The following METAP1D variants were observed in gnomAD, a reference collection of about 807,000 sequenced individuals.
METAP1D encodes methionine aminopeptidase 1D, mitochondrial.
In METAP1D, 31 loss-of-function variants were observed where a neutral mutation model predicts 40.5. The ratio of observed to expected loss-of-function variants is 0.77; its 90% CI spans 0.58 to 1.03. METAP1D has a LOEUF of 1.03. Ranked by LOEUF, METAP1D falls within the 50% of genes least tolerant of loss-of-function variation. The pLI is 0.00. For missense variants in METAP1D, 411 were observed against 420.7 expected (o/e 0.98, Z 0.20); for synonymous variants, 151 against 146.4 (o/e 1.03, Z -0.22).
intron 2 of METAP1D, among the ~76,000 whole-genome samples, chr2:172,063,055 G>A (rs188455380): frequency 6.6e-6 from 1 of 152,328 alleles, no homozygotes; most frequent in East Asian, 1.9e-4. Flanking sequence ...CTGCAAAAGT[G>A]ATCAGGGTTG....
At chr2:172,006,720 G>A (rs1370027303) in intron 1 of METAP1D, among the ~76,000 whole-genome samples, 1 of 152,110 alleles carries the variant, frequency 6.6e-6, no homozygotes, top group Non-Finnish European at 1.5e-5. Flanking sequence ...CAAAAGTAGA[G>A]AGAATAGTAC....
chr2:172,080,695 A>C lies in METAP1D; in HGVS notation c.*289A>C. 1 of 549,196 alleles carries C rather than the reference A, an allele frequency of 1.8e-6. No individual in the cohort carries two copies. The highest frequency in any genetic ancestry group is 3.3e-6 in the Non-Finnish European group (1 of 307,420). 34.0% of individuals were successfully genotyped at this position (549,196 alleles called of 1,614,324 possible). ...CTGGAGGAAACCCCCTTGTTGGAAGAGATTCCAAGAGAAGCACGGTTTTCT... is the reference window on the plus strand; with the variant it reads ...CTGGAGGAAACCCCCTTGTTGGAAGCGATTCCAAGAGAAGCACGGTTTTCT... On this transcript the variant is annotated 3_prime_UTR_variant, in exon 10 of 10. Coordinates refer to ENST00000315796, the MANE Select transcript of METAP1D (RefSeq NM_199227.3).
intron 7 of METAP1D, among the ~76,000 whole-genome samples, chr2:172,078,654 C>T (rs1690612126): frequency 6.6e-6 from 1 of 152,206 alleles, no homozygotes; most frequent in Admixed American, 6.5e-5. Flanking sequence ...CAGGTCCAAA[C>T]CCTCTTTGGA....
intron 1 of METAP1D, among the ~76,000 whole-genome samples, chr2:172,034,405 T>TTGTGTGTGTGTG (rs377629727): frequency 7.0e-4 from 99 of 142,150 alleles, no homozygotes; most frequent in Non-Finnish European, 1.2e-3. Context: ...GTCTCAGTTT[T>TTGTGTGTGTGTG]TGTGTGTGTG....
At chr2:172,041,726 T>TTATATACATA (rs1689532288) in intron 1 of METAP1D, among the ~76,000 whole-genome samples, 1 of 37,560 alleles carries the variant, frequency 2.7e-5, no homozygotes, top group Non-Finnish European at 6.4e-5. Flanking sequence ...TCTAATTATT[T>TTATATACATA]TATATATATA....
chr2:172,057,455 A>G (rs1320205391), intron 1 of METAP1D, among the ~76,000 whole-genome samples: 2 of 152,170 alleles, frequency 1.3e-5, no homozygotes, highest in Admixed American at 6.5e-5. Flanking sequence ...TTTCCATTTC[A>G]TATCCACAGA....
At chr2:172,017,261 C>T (rs1258573944) in intron 1 of METAP1D, among the ~76,000 whole-genome samples, 3 of 150,640 alleles carry the variant, frequency 2.0e-5, no homozygotes, top group East Asian at 1.9e-4. Context: ...CACACACACA[C>T]ACACACACAC....
At chr2:172,054,253 G>A (rs1299238420) in intron 1 of METAP1D, among the ~76,000 whole-genome samples, 1 of 152,140 alleles carries the variant, frequency 6.6e-6, no homozygotes, top group Non-Finnish European at 1.5e-5. Flanking sequence ...CAGGCACGGT[G>A]GCTCATGCCT....
At chr2:172,006,104 G>A (rs1688574009) in intron 1 of METAP1D, among the ~76,000 whole-genome samples, 1 of 151,706 alleles carries the variant, frequency 6.6e-6, no homozygotes, top group Non-Finnish European at 1.5e-5. Context: ...CAATATTTCT[G>A]TATATGTGTA....
Position 172,016,275 on chromosome 2 carries a change from C to CAAAAAAAAA in METAP1D, c.40+16284_40+16292dup, listed in dbSNP as rs1172458646. ...TGGGTGACAGAGTGAGACCCTGTCT[C>CAAAAAAAAA]AAAAAAAAAAAAAAAAAAAAAAAAA... On this transcript the variant is annotated intron_variant, in intron 1 of 9. Transcript: ENST00000315796. 7.2e-4 allele frequency among the ~76,000 whole-genome samples: 7 copies of CAAAAAAAAA among 9,726 alleles called. 1 individual carries two copies. The highest frequency in any genetic ancestry group is 5.1e-3 in the Admixed American group (2 of 392). 6.4% of individuals were successfully genotyped at this position (9,726 alleles called of 152,430 possible).
intron 1 of METAP1D, among the ~76,000 whole-genome samples, chr2:172,039,184 A>G (rs1574112201): frequency 6.6e-6 from 1 of 152,022 alleles, no homozygotes; most frequent in African/African-American, 2.4e-5. Flanking sequence ...TGTTTCTCCA[A>G]CCCTCTTCAT....
intron 1 of METAP1D, among the ~76,000 whole-genome samples, chr2:172,061,268 T>A (rs1440789304): frequency 2.0e-5 from 3 of 152,114 alleles, no homozygotes; most frequent in Non-Finnish European, 4.4e-5. Context: ...TAGAGTAGAG[T>A]TTTCCATTGT....
At chr2:172,033,173 G>A (rs1477587991) in intron 1 of METAP1D, among the ~76,000 whole-genome samples, 1 of 151,564 alleles carries the variant, frequency 6.6e-6, no homozygotes. Context: ...CATATTAATT[G>A]ACACCACCAA....
chr2:172,008,689 C>G (rs1375477324), intron 1 of METAP1D, among the ~76,000 whole-genome samples: 1 of 106,946 alleles, frequency 9.4e-6, no homozygotes, highest in Non-Finnish European at 1.9e-5. Flanking sequence ...GTGAATGTGG[C>G]CTTTCTCTCA....
chr2:172,080,160 A>G lies in METAP1D; in HGVS notation c.883A>G (p.Lys295Glu). The G allele has an allele frequency of 6.8e-6, 11 of 1,614,220 alleles. No individual in the cohort carries two copies. The highest frequency in any genetic ancestry group is 9.3e-6 in the Non-Finnish European group (11 of 1,180,038). Residue 295 changes from lysine (K) to glutamate (E), a missense_variant, in exon 9 of 10, where the codon AAA becomes GAA. Physicochemically the swap from Lys to Glu is moderately conservative, Grantham distance 56. Coordinates refer to ENST00000315796, the MANE Select transcript of METAP1D (RefSeq NM_199227.3). ...PIITEGSPEF[K>E]VLEDAWTVVS... ...CATCACGGAGGGATCCCCTGAATTT[A>G]AAGTCCTGGAGGATGCATGGACTGT...
chr2:172,068,520 C>CT (rs113011377), intron 5 of METAP1D, among the ~76,000 whole-genome samples: 41,453 of 147,896 alleles, frequency 0.28, 5,831 homozygotes, highest in African/African-American at 0.34. Context: ...TTTAAGTAGT[C>CT]TTTTTTTTTT....
rs993980368 is a variant in METAP1D at position 172,080,458 on chromosome 2, A to T, written c.*52A>T. On this transcript the variant is annotated 3_prime_UTR_variant, in exon 10 of 10. Transcript: ENST00000315796. ...TGGTGCCTTTTTAAATAAATTGCTG[A>T]AATTTGGCTGGAGAACTTTTAGAAG... The T allele has an allele frequency of 4.4e-6, 7 of 1,583,262 alleles. No individual in the cohort carries two copies. Among genetic ancestry groups the T allele is most frequent in the Non-Finnish European group, 3.5e-6 (4 of 1,153,102 alleles).
intron 1 of METAP1D, among the ~76,000 whole-genome samples, chr2:172,026,094 G>C (rs1689114301): frequency 6.6e-6 from 1 of 151,990 alleles, no homozygotes; most frequent in Non-Finnish European, 1.5e-5. Flanking sequence ...GTTAGAATTA[G>C]GAACCAAACA....
At chr2:172,002,652 C>G (rs370450413) in intron 1 of METAP1D, among the ~76,000 whole-genome samples, 2 of 151,986 alleles carry the variant, frequency 1.3e-5, no homozygotes, top group African/African-American at 2.4e-5. Flanking sequence ...TTGGACTACC[C>G]ATAGCTAGTT....
Sources: gnomAD v4.1 joint callset for allele counts (sites outside exome capture counted in the v4.1 genomes callset) on GRCh38, gnomAD v4.1.1 for gene constraint, MANE v1.5 for transcripts, NCBI Gene and HGNC (gene_info 2026-07-23, HGNC 2026-07-21) for gene names.